Variants in IL33 observed in about 807,000 individuals in gnomAD.
IL33 encodes interleukin 33.
IL33 carries 37 observed loss-of-function variants against 27.3 expected under a neutral mutation model. The ratio of observed to expected loss-of-function variants is 1.36; its 90% CI spans 1.04 to 1.78. The LOEUF (loss-of-function observed/expected upper bound fraction) is 1.78. Among genes scored for constraint, IL33 ranks in the 40% most tolerant of loss-of-function variants. The pLI is 0.00. For missense variants in IL33, 406 were observed against 311.4 expected, an observed-to-expected ratio of 1.30 and a Z score of -2.29; for synonymous variants, 132 against 102.9, an observed-to-expected ratio of 1.28 and a Z score of -1.71.
intron 2 of IL33, among the ~76,000 whole-genome samples, chr9:6,246,712 G>A (rs1210854786): frequency 3.3e-5 from 5 of 152,174 alleles, no homozygotes; most frequent in East Asian, 1.9e-4. Context: ...ATGAAGTTCA[G>A]TCCCCATCCT....
At chr9:6,228,779 A>G (rs931683265) in intron 1 of IL33, among the ~76,000 whole-genome samples, 2 of 151,564 alleles carry the variant, frequency 1.3e-5, no homozygotes, top group African/African-American at 4.9e-5. Context: ...CCTTGAACCT[A>G]GGAGTTCAGT....
At chr9:6,254,928 A>C (rs915796973) in intron 7 of IL33, among the ~76,000 whole-genome samples, 2 of 152,126 alleles carry the variant, frequency 1.3e-5, no homozygotes, top group Admixed American at 1.3e-4. Context: ...ATGATCTCAA[A>C]TCCTTTCTGT....
chr9:6,237,165 A>C (rs1819267956), intron 1 of IL33, among the ~76,000 whole-genome samples: 1 of 152,238 alleles, frequency 6.6e-6, no homozygotes, highest in Admixed American at 6.5e-5. Flanking sequence ...ACCAGTGTGC[A>C]GGGATATCTG....
intron 1 of IL33, among the ~76,000 whole-genome samples, chr9:6,220,730 C>T (rs1474194629): frequency 2.6e-5 from 4 of 152,104 alleles, no homozygotes; most frequent in African/African-American, 9.7e-5. Flanking sequence ...ATAACTGCTT[C>T]ATATTTGTAA....
chr9:6,231,151 T>C (rs1404941440), intron 1 of IL33, among the ~76,000 whole-genome samples: 1 of 152,206 alleles, frequency 6.6e-6, no homozygotes, highest in Non-Finnish European at 1.5e-5. Context: ...GCCCTCCATC[T>C]GTTTCTCACA....
intron 6 of IL33, 90 bp from the exon 7 acceptor site, chr9:6,254,372 T>C: frequency 2.7e-6 from 2 of 742,788 alleles, no homozygotes; most frequent in Middle Eastern, 2.6e-4. Flanking sequence ...TTATGTAACA[T>C]CTTAGACTTT....
Position 6,252,991 on chromosome 9 carries a change from G to T in IL33, c.469G>T (p.Asp157Tyr). 6.7e-7 allele frequency: 1 copy of T among 1,493,044 alleles called. No homozygotes were observed. The highest frequency in any genetic ancestry group is 1.2e-5 in the South Asian group (1 of 80,500). The allele number at this position is 1,493,044 out of a possible 1,614,324, so 92.5% of individuals were successfully genotyped here. ...AGACTTGAAAAAAGATGAAAAGAAA[G>T]GTAGATTATTTTCTTTTTCTATAAT... is the stretch of plus-strand genomic sequence containing the variant. ...VEDLKKDEKK[D>Y]KVLLSYYESQ... Residue 157 changes from aspartate (D) to tyrosine (Y), a missense_variant and splice_region_variant, in exon 5 of 8, where the codon GAT (aspartate) becomes TAT (tyrosine). Asp to Tyr is a radical substitution (Grantham distance 160). Transcript: ENST00000682010.
At chr9:6,255,917 A>T in intron 7 of IL33, 51 bp from the exon 8 acceptor site, 1 of 1,455,764 alleles carries the variant, frequency 6.9e-7, no homozygotes, top group Non-Finnish European at 9.6e-7. Flanking sequence ...GGTAAAGTTG[A>T]CTCTGAACTT....
At chr9:6,228,001 T>G (rs2130157687) in intron 1 of IL33, among the ~76,000 whole-genome samples, 1 of 152,318 alleles carries the variant, frequency 6.6e-6, no homozygotes, top group South Asian at 2.1e-4. Context: ...GGCATTTACT[T>G]GATCCCTCTG....
At chr9:6,235,329 G>A (rs980217966) in intron 1 of IL33, among the ~76,000 whole-genome samples, 1 of 152,154 alleles carries the variant, frequency 6.6e-6, no homozygotes, top group Non-Finnish European at 1.5e-5. Flanking sequence ...ACAGGCATGA[G>A]ACACACACCC....
chr9:6,218,320 C>G (rs925774960), intron 1 of IL33, among the ~76,000 whole-genome samples: 8 of 152,076 alleles, frequency 5.3e-5, no homozygotes, highest in African/African-American at 1.9e-4. Context: ...CAGAAAGCAC[C>G]TCTTTCCCTT....
At chr9:6,233,890 C>T (rs567330092) in intron 1 of IL33, among the ~76,000 whole-genome samples, 2 of 152,260 alleles carry the variant, frequency 1.3e-5, no homozygotes, top group Admixed American at 1.3e-4. Context: ...CTTCCTCCTT[C>T]TCCACTCTGC....
intron 1 of IL33, among the ~76,000 whole-genome samples, chr9:6,224,033 A>G (rs1036189027): frequency 2.0e-5 from 3 of 152,196 alleles, no homozygotes; most frequent in African/African-American, 7.2e-5. Flanking sequence ...AAGGAGAAAA[A>G]TGTTCCCAGA....
At chr9:6,216,119 C>CTTTAT (rs61541273) in intron 1 of IL33, among the ~76,000 whole-genome samples, 2 of 151,836 alleles carry the variant, frequency 1.3e-5, no homozygotes, top group Admixed American at 6.6e-5. Flanking sequence ...CTCCATGAAA[C>CTTTAT]TTTATTTTAT....
At chr9:6,215,423 T>C (rs957477822), upstream of IL33, among the ~76,000 whole-genome samples, 1 of 152,206 alleles carries the variant, frequency 6.6e-6, no homozygotes, top group Non-Finnish European at 1.5e-5. Context: ...ATTTCTATTA[T>C]AAAGGAATTT....
chr9:6,239,327 G>A (rs1819401153), intron 1 of IL33, among the ~76,000 whole-genome samples: 1 of 152,132 alleles, frequency 6.6e-6, no homozygotes, highest in African/African-American at 2.4e-5. Context: ...GATAAGGGGA[G>A]TTACACTGAG....
rs1816790701 is a variant in IL33, at chr9:6,257,262, T to C, written c.*1094T>C. 6.6e-6 allele frequency: 1 copy of C among 152,204 alleles called. No homozygotes were observed. Among genetic ancestry groups the C allele is most frequent in the Admixed American group, 6.6e-5 (1 of 15,266 alleles). The allele number at this position is 152,204 out of a possible 1,614,324, so 9.4% of individuals were successfully genotyped here. A position where few individuals can be genotyped will look rare whatever the true frequency, so the allele number is the denominator to read the frequency against. ...TATTTCCCATGTGCACAAGTCTTTT[T>C]GTATTCCAGCTTCCTGATAACACTG... On this transcript the variant is annotated 3_prime_UTR_variant, in exon 8 of 8. Transcript: ENST00000682010.
At chr9:6,229,875 G>A (rs1818843559) in intron 1 of IL33, among the ~76,000 whole-genome samples, 1 of 152,116 alleles carries the variant, frequency 6.6e-6, no homozygotes, top group African/African-American at 2.4e-5. Context: ...AATAAAGTCG[G>A]CTTGATTGTG....
At chr9:6,238,441 A>C (rs916057658) in intron 1 of IL33, among the ~76,000 whole-genome samples, 3 of 152,196 alleles carry the variant, frequency 2.0e-5, no homozygotes, top group Non-Finnish European at 4.4e-5. Context: ...CTGGCTGACC[A>C]TTGAGGATTT....
Sources: gnomAD v4.1 joint callset for allele counts (sites outside exome capture counted in the v4.1 genomes callset) on GRCh38, gnomAD v4.1.1 for gene constraint, MANE v1.5 for transcripts, NCBI Gene and HGNC (gene_info 2026-07-23, HGNC 2026-07-21) for gene names.